The following ITPR3 variants were observed in gnomAD, a reference collection of about 807,000 sequenced individuals.
ITPR3 encodes inositol 1,4,5-trisphosphate-gated calcium channel ITPR3.
ITPR3 carries 173 observed loss-of-function variants against 293.2 expected under a neutral mutation model. The observed-to-expected ratio is 0.59, with a 90% CI of 0.52 to 0.67. The LOEUF (loss-of-function observed/expected upper bound fraction) is 0.67, where lower values mean the gene tolerates loss of function less well. Ranked by LOEUF, ITPR3 falls within the 30% of genes least tolerant of loss-of-function variation. The pLI, the probability that ITPR3 is intolerant of heterozygous loss-of-function variation, is 0.00. For synonymous variants in ITPR3, 1,295 were observed against 1,444.4 expected (o/e 0.90, Z 2.35); for missense variants, 2,796 against 3,592.1 (o/e 0.78, Z 5.66).
chr6:33,621,531 A>G lies in ITPR3; in HGVS notation c.-72A>G, dbSNP rs1763435976. 2.7e-6 allele frequency: 3 copies of G among 1,120,258 alleles called. No homozygotes were observed. Among genetic ancestry groups the G allele is most frequent in the Non-Finnish European group, 4.0e-6 (3 of 756,926 alleles). 69.4% of individuals were successfully genotyped at this position (1,120,258 alleles called of 1,614,324 possible). ...CCCCTCCCCGCTCCCCGGACGCCTC[A>G]GTCCTCCGCACTGAGCTTGGCCACG... On this transcript the variant is annotated 5_prime_UTR_variant, in exon 1 of 58. Coordinates refer to ENST00000605930, the MANE Select transcript of ITPR3 (RefSeq NM_002224.4). This position sits in a 1 kb window ranked among gnomAD's most constrained non-coding sequence, Gnocchi z 7.7.
At chr6:33,662,849 G>A in intron 8 of ITPR3, 62 bp from the exon 9 acceptor site, 3 of 1,530,592 alleles carry the variant, frequency 2.0e-6, no homozygotes, top group East Asian at 4.9e-5. Flanking sequence ...AGGCCTCCCT[G>A]GGGTCTGACT....
At position 33,687,547 on chromosome 6, in the gene ITPR3, G is replaced by A. The variant is rs760884548; in HGVS notation, c.6247G>A (p.Glu2083Lys). ...GAAGCGCATTCAAGAGGAGGAGGCC[G>A]AGGGTATCTCTTCCATGGTGGGTGC... ...PVKRIQEEEAEGISSMLSLNN... is the reference protein window; with the variant it reads ...PVKRIQEEEAKGISSMLSLNN... Residue 2083 changes from glutamate to lysine, a missense_variant, in exon 46 of 58, where the codon GAG becomes AAG. Physicochemically the swap from Glu to Lys is moderately conservative, Grantham distance 56. This residue lies in a region of ITPR3 where 568 missense variants were observed against 796.1 expected (regional missense o/e 0.71). Coordinates refer to ENST00000605930, the MANE Select transcript of ITPR3 (RefSeq NM_002224.4). The surrounding 1 kb of genome is among the most constrained non-coding windows in gnomAD (Gnocchi z 5.3). The A allele has an allele frequency of 2.3e-5, 36 of 1,588,072 alleles. 1 individual carries two copies. Among genetic ancestry groups the A allele is most frequent in the Middle Eastern group, 1.8e-4 (1 of 5,658 alleles).
At chr6:33,626,179 C>T (rs1763545547) in intron 1 of ITPR3, among the ~76,000 whole-genome samples, 1 of 152,184 alleles carries the variant, frequency 6.6e-6, no homozygotes, top group Admixed American at 6.5e-5. Flanking sequence ...AAGTGATCCT[C>T]CCTCCTCTGC....
Position 33,683,292 on chromosome 6 carries a change from C to T in ITPR3, c.4683C>T (p.Ala1561=), listed in dbSNP as rs975357901. Residue 1561 remains alanine, a synonymous_variant, in exon 35 of 58, where the codon GCC becomes GCT. Coordinates refer to ENST00000605930, the MANE Select transcript of ITPR3 (RefSeq NM_002224.4). This position sits in a 1 kb window ranked among gnomAD's most constrained non-coding sequence, Gnocchi z 4.5. ...GCAGTGGAGCCAGCTGTGCAGCTGC[C>T]GCCCAGCGGAACGCCTCCAGCTACA... ...MLSSGASCAA[A]AQRNASSYKA... The T allele has an allele frequency of 1.5e-5, 23 of 1,578,990 alleles. No individual in the cohort carries two copies. The highest frequency in any genetic ancestry group is 2.7e-5 in the African/African-American group (2 of 74,402).
chr6:33,647,389 G>A (rs148995080), intron 2 of ITPR3, among the ~76,000 whole-genome samples: 12 of 152,214 alleles, frequency 7.9e-5, no homozygotes, highest in East Asian at 3.9e-4. Flanking sequence ...CTTAACCATC[G>A]TTAAGCATAC....
chr6:33,678,306 C>A, intron 28 of ITPR3, 115 bp from the exon 29 acceptor site: 1 of 1,425,142 alleles, frequency 7.0e-7, no homozygotes, highest in Non-Finnish European at 9.6e-7. Context: ...TTACGCTGGC[C>A]TCTTCACGGT....
At chr6:33,622,057 G>T (rs1387130291) in intron 1 of ITPR3, among the ~76,000 whole-genome samples, 1 of 152,170 alleles carries the variant, frequency 6.6e-6, no homozygotes, top group African/African-American at 2.4e-5. Flanking sequence ...GACGTGCCCG[G>T]CTCTGAGGGT....
At position 33,667,351 on chromosome 6, in the gene ITPR3, T is replaced by C; in HGVS notation, c.1713+61T>C. The C allele has an allele frequency of 6.4e-7, 1 of 1,554,796 alleles. No homozygotes were observed. ...CACGTTCCTTCCTCAGCAAGCGATTTCCTCAGGCACATGTGCTGTGCCAGG... is the reference window on the plus strand; with the variant it reads ...CACGTTCCTTCCTCAGCAAGCGATTCCCTCAGGCACATGTGCTGTGCCAGG... On this transcript the variant is annotated intron_variant, in intron 15 of 57. Transcript: ENST00000605930. The surrounding 1 kb of genome is among the most constrained non-coding windows in gnomAD (Gnocchi z 4.4).
Position 33,658,008 on chromosome 6 carries a change from G to A in ITPR3, c.359G>A (p.Ser120Asn). 1 of 1,613,286 alleles carries A rather than the reference G, an allele frequency of 6.2e-7. No homozygotes were observed. Among genetic ancestry groups the A allele is most frequent in the Non-Finnish European group, 8.5e-7 (1 of 1,179,532 alleles). Residue 120 changes from serine (S) to asparagine (N), a missense_variant, in exon 4 of 58, where the codon AGT (serine) becomes AAT (asparagine). Coordinates refer to ENST00000605930, the MANE Select transcript of ITPR3 (RefSeq NM_002224.4). The surrounding 1 kb of genome is among the most constrained non-coding windows in gnomAD (Gnocchi z 6.1). ...KVHGDVVKYG[S>N]VIQLLHMKSN... ...CATGGGGATGTCGTGAAGTATGGCA[G>A]TGTGATCCAGGTGAGGCTGGCCTGC...
At chr6:33,623,604 C>T (rs144860310) in intron 1 of ITPR3, among the ~76,000 whole-genome samples, 3 of 152,118 alleles carry the variant, frequency 2.0e-5, no homozygotes, top group Non-Finnish European at 4.4e-5. Flanking sequence ...CGTGAACCAC[C>T]GTGCCCTGCC....
At position 33,695,714 on chromosome 6, in the gene ITPR3, G is replaced by A; in HGVS notation, c.7950G>A (p.Met2650Ile). 2 of 1,614,126 alleles carry A rather than the reference G, an allele frequency of 1.2e-6. No homozygotes were observed. Among genetic ancestry groups the A allele is most frequent in the African/African-American group, 1.3e-5 (1 of 75,080 alleles). The change falls in exon 58 of 58, where the codon ATG becomes ATA. Residue 2650 changes from methionine (M) to isoleucine (I), a missense_variant and splice_region_variant. Met to Ile is a conservative substitution (Grantham distance 10). Around this residue, in one of 8 missense-constraint regions of ITPR3, gnomAD observed 568 missense variants for 796.1 expected, o/e 0.71. Coordinates refer to ENST00000605930, the MANE Select transcript of ITPR3 (RefSeq NM_002224.4). ...TGTTGGCATCTGCTTAACCCTAGAT[G>A]ACGGAGCAGCGGAAACGCAGGCAAC... ...TAQLNELKEQ[M>I]TEQRKRRQRL...
Position 33,683,206 on chromosome 6 carries a change from G to A in ITPR3, c.4598-1G>A. 1 of 1,517,346 alleles carries A rather than the reference G, an allele frequency of 6.6e-7. No individual in the cohort carries two copies. The highest frequency in any genetic ancestry group is 8.9e-7 in the Non-Finnish European group (1 of 1,123,216). The allele number at this position is 1,517,346 out of a possible 1,614,324, so 94.0% of individuals were successfully genotyped here. Reference sequence around the variant, plus strand: ...CCAGCACTCCCTCCCTTCCCACCCAGCCAAGGGCCGGGCCATCTTGCTGCC... The same window carrying A: ...CCAGCACTCCCTCCCTTCCCACCCAACCAAGGGCCGGGCCATCTTGCTGCC... On this transcript the variant is annotated splice_acceptor_variant, in intron 34 of 57. Coordinates refer to ENST00000605930, the MANE Select transcript of ITPR3 (RefSeq NM_002224.4). LOFTEE classifies it high-confidence loss of function. The surrounding 1 kb of genome is among the most constrained non-coding windows in gnomAD (Gnocchi z 4.5).
rs1157255352 is a variant in ITPR3 at position 33,691,504 on chromosome 6, T to C, written c.7226-111T>C. On this transcript the variant is annotated intron_variant, in intron 52 of 57. Transcript: ENST00000605930. The surrounding 1 kb of genome is among the most constrained non-coding windows in gnomAD (Gnocchi z 4.9). ...TCACTGTGGCTGGACAGTGGAGGGC[T>C]GGCGATCCAGGACCAGGGAAGGTTT... is the stretch of plus-strand genomic sequence containing the variant. The C allele has an allele frequency of 3.5e-6, 3 of 865,274 alleles. No individual in the cohort carries two copies. Among genetic ancestry groups the C allele is most frequent in the African/African-American group, 3.3e-5 (2 of 60,414 alleles). 53.6% of individuals were successfully genotyped at this position (865,274 alleles called of 1,614,324 possible).
At position 33,655,836 on chromosome 6, in the gene ITPR3, T is replaced by C; in HGVS notation, c.231T>C (p.Thr77=). ...AGCAGTACTGGAAGGCCAAGCAGAC[T>C]AAGCAGGACAAGGAGAAGATCGCTG... The part of the protein sequence containing the change: ...AQKQYWKAKQ[T]KQDKEKIADV... Residue 77 remains threonine (T), a synonymous_variant, in exon 3 of 58, where the codon ACT becomes ACC. Transcript: ENST00000605930. This position sits in a 1 kb window ranked among gnomAD's most constrained non-coding sequence, Gnocchi z 4.9. The C allele has an allele frequency of 6.2e-7, 1 of 1,614,046 alleles. No individual in the cohort carries two copies.
rs1235228005 is a variant in ITPR3 at position 33,679,853 on chromosome 6, G to A, written c.3973-29G>A. The A allele has an allele frequency of 1.3e-6, 2 of 1,595,028 alleles. No homozygotes were observed. Among genetic ancestry groups the A allele is most frequent in the South Asian group, 1.1e-5 (1 of 88,400 alleles). ...GCCCAGGGCTTGCTGGACCGAGAGA[G>A]TGTGACACGTGCCCCCTCCCACCCG... On this transcript the variant is annotated intron_variant, in intron 30 of 57. Coordinates refer to ENST00000605930, the MANE Select transcript of ITPR3 (RefSeq NM_002224.4). The surrounding 1 kb of genome is among the most constrained non-coding windows in gnomAD (Gnocchi z 4.2).
rs188033636 is a variant in ITPR3, at chr6:33,660,844, G to A, written c.711+1295G>A. Among the ~76,000 whole-genome samples, 88 of 152,192 alleles carry A rather than the reference G, an allele frequency of 5.8e-4. 1 individual carries two copies. The highest frequency in any genetic ancestry group is 6.8e-3 in the Middle Eastern group (2 of 294). The stretch of plus-strand genomic sequence containing the variant: ...CTCAGGAGGCTGAGGCAGGAGAATC[G>A]CTTGAGCCTGGGAGGTGGAGGTTGC... On this transcript the variant is annotated intron_variant, in intron 7 of 57. Transcript: ENST00000605930.
chr6:33,687,397 C>T lies in ITPR3; in HGVS notation c.6177+70C>T. 6.7e-7 allele frequency: 1 copy of T among 1,482,538 alleles called. No individual in the cohort carries two copies. The highest frequency in any genetic ancestry group is 9.3e-7 in the Non-Finnish European group (1 of 1,079,428). 91.8% of individuals were successfully genotyped at this position (1,482,538 alleles called of 1,614,324 possible). A position where few individuals can be genotyped will look rare whatever the true frequency, so the allele number is the denominator to read the frequency against. ...CATACCCCGCCCCAGCTGCCATCAT[C>T]CCCCAGTCGCCATTGTCGCCCCCCA... is the stretch of plus-strand genomic sequence containing the variant. On this transcript the variant is annotated intron_variant, in intron 45 of 57. Transcript: ENST00000605930. The surrounding 1 kb of genome is among the most constrained non-coding windows in gnomAD (Gnocchi z 5.3).
chr6:33,676,671 C>A, intron 25 of ITPR3, 97 bp from the exon 26 acceptor site: 1 of 1,433,594 alleles, frequency 7.0e-7, no homozygotes, highest in Non-Finnish European at 9.6e-7. Flanking sequence ...TGGTGGTCTA[C>A]AGGAGGGGAA....
In ITPR3 at chr6:33,690,057, G is replaced by A. The variant is rs1413721122; in HGVS notation, c.6891G>A (p.Val2297=). The change falls in exon 51 of 58, where the codon GTG becomes GTA. Residue 2297 remains valine, a synonymous_variant. Coordinates refer to ENST00000605930, the MANE Select transcript of ITPR3 (RefSeq NM_002224.4). ...AGCTGACCAACAAGATCGTGTTTGTGGTGAGCTTCGTGGGCAACCGTGGCA... is the reference window on the plus strand; with the variant it reads ...AGCTGACCAACAAGATCGTGTTTGTAGTGAGCTTCGTGGGCAACCGTGGCA... ...ALNLTNKIVF[V]VSFVGNRGTF... is the part of the protein sequence containing the mutation. 2 of 1,614,088 alleles carry A rather than the reference G, an allele frequency of 1.2e-6. No individual in the cohort carries two copies. Among genetic ancestry groups the A allele is most frequent in the African/African-American group, 1.3e-5 (1 of 74,924 alleles).
Sources: gnomAD v4.1 joint callset for allele counts (sites outside exome capture counted in the v4.1 genomes callset) on GRCh38, gnomAD v4.1.1 for gene constraint, gnomAD v4.1.1 regional missense constraint, Gnocchi (gnomAD v3.1) non-coding constraint, MANE v1.5 for transcripts, NCBI Gene and HGNC (gene_info 2026-07-23, HGNC 2026-07-21) for gene names.